The following IMMP2L variants were observed in gnomAD, a reference collection of about 807,000 sequenced individuals.
IMMP2L encodes the protein inner mitochondrial membrane peptidase subunit 2.
Under a neutral mutation model 19.3 loss-of-function variants are expected in IMMP2L, and 18 were observed. The observed-to-expected ratio is 0.93, with a 90% CI of 0.64 to 1.38. The LOEUF is 1.38. IMMP2L is among the 40% of genes most tolerant of loss of function. IMMP2L has a pLI of 0.00. For synonymous variants in IMMP2L, 76 were observed against 73.0 expected (o/e 1.04, Z -0.21); for missense variants, 233 against 218.2 (o/e 1.07, Z -0.43).
rs949889160 is a variant in IMMP2L at position 110,809,583 on chromosome 7, C to T, written c.408+77010G>A. On this transcript the variant is annotated intron_variant, in intron 5 of 5. Transcript: ENST00000405709. ...TGTTACATACTGTATTAATAACAAA[C>T]GGGCCAGACCAAAAGGTAATATTAC... 1.1e-4 allele frequency among the ~76,000 whole-genome samples: 16 copies of T among 151,862 alleles called. No homozygotes were observed. In the South Asian group the frequency reaches 1.5e-3, roughly 14 times the overall value.
At chr7:110,824,658 G>A (rs1270956307) in intron 5 of IMMP2L, among the ~76,000 whole-genome samples, 8 of 151,954 alleles carry the variant, frequency 5.3e-5, no homozygotes, top group South Asian at 2.1e-4. Flanking sequence ...ATGAACCACC[G>A]CTCCCAGCCT....
chr7:111,275,840 TAGA>T (rs1236108158), intron 3 of IMMP2L, among the ~76,000 whole-genome samples: 2 of 152,140 alleles, frequency 1.3e-5, no homozygotes, highest in African/African-American at 4.8e-5. Flanking sequence ...GGTCCTCAGC[TAGA>T]TTGTTATTGG....
At chr7:110,989,067 C>G (rs1032237848) in intron 3 of IMMP2L, among the ~76,000 whole-genome samples, 1 of 152,044 alleles carries the variant, frequency 6.6e-6, no homozygotes, top group Non-Finnish European at 1.5e-5. Flanking sequence ...GAAACCTCAT[C>G]TCTGCTAAAA....
intron 5 of IMMP2L, among the ~76,000 whole-genome samples, chr7:110,878,145 A>C (rs1193209166): frequency 6.6e-6 from 1 of 152,096 alleles, no homozygotes; most frequent in Non-Finnish European, 1.5e-5. Context: ...TCATGTTTCA[A>C]CTTGTGATTC....
At position 111,476,298 on chromosome 7, in the gene IMMP2L, AAAT is replaced by A. The variant is rs544484329; in HGVS notation, c.239+10937_239+10939del. 3.6e-3 allele frequency among the ~76,000 whole-genome samples: 543 copies of A among 152,322 alleles called. 1 individual carries two copies. The highest frequency in any genetic ancestry group is 4.4e-3 in the Non-Finnish European group (300 of 68,032). On this transcript the variant is annotated intron_variant, in intron 3 of 5. Transcript: ENST00000405709. ...TTTCAGATTTGTTTCACAGAAAAGAAAATAATACTTTTTAAATTAGTCAATTAT... is the reference window on the plus strand; with the variant it reads ...TTTCAGATTTGTTTCACAGAAAAGAAAATACTTTTTAAATTAGTCAATTAT...
chr7:110,718,983 C>A (rs1245841352), intron 5 of IMMP2L, among the ~76,000 whole-genome samples: 1 of 152,156 alleles, frequency 6.6e-6, no homozygotes, highest in Non-Finnish European at 1.5e-5. Context: ...ACATAATATT[C>A]TAGACATGCA....
chr7:111,052,697 A>C (rs2129573106), intron 3 of IMMP2L, among the ~76,000 whole-genome samples: 1 of 152,260 alleles, frequency 6.6e-6, no homozygotes, highest in East Asian at 1.9e-4. Context: ...AGTCACTCAT[A>C]TTTGGCTCAG....
intron 3 of IMMP2L, among the ~76,000 whole-genome samples, chr7:111,176,894 T>C (rs1270239953): frequency 6.6e-6 from 1 of 152,048 alleles, no homozygotes; most frequent in Non-Finnish European, 1.5e-5. Context: ...CTTAATCTAG[T>C]TTATTTTCTA....
intron 3 of IMMP2L, among the ~76,000 whole-genome samples, chr7:111,198,943 T>C (rs1809800010): frequency 6.6e-6 from 1 of 152,192 alleles, no homozygotes; most frequent in Non-Finnish European, 1.5e-5. Flanking sequence ...CAGAGATATA[T>C]ACAAACAGGT....
chr7:111,136,058 T>C (rs1266089010), intron 3 of IMMP2L, among the ~76,000 whole-genome samples: 1 of 151,994 alleles, frequency 6.6e-6, no homozygotes, highest in Non-Finnish European at 1.5e-5. Flanking sequence ...AGACGGAGTC[T>C]TGCTCTGTTG....
intron 3 of IMMP2L, among the ~76,000 whole-genome samples, chr7:111,013,072 C>T (rs1190702594): frequency 6.6e-6 from 1 of 151,960 alleles, no homozygotes; most frequent in Non-Finnish European, 1.5e-5. Context: ...CCCCACAATC[C>T]ACTGAGAGAA....
chr7:111,184,499 A>G (rs2129611698), intron 3 of IMMP2L, among the ~76,000 whole-genome samples: 1 of 152,254 alleles, frequency 6.6e-6, no homozygotes, highest in African/African-American at 2.4e-5. Flanking sequence ...CAAGCATTGA[A>G]AGGAACTTCC....
chr7:110,746,872 A>G (rs1449352656), intron 5 of IMMP2L, among the ~76,000 whole-genome samples: 1 of 152,198 alleles, frequency 6.6e-6, no homozygotes, highest in Non-Finnish European at 1.5e-5. Context: ...CAAATTCAAA[A>G]GCTAGCAGAA....
intron 5 of IMMP2L, among the ~76,000 whole-genome samples, chr7:110,796,007 G>A: frequency 6.6e-6 from 1 of 151,978 alleles, no homozygotes; most frequent in East Asian, 1.9e-4. Flanking sequence ...CATCAGGGCG[G>A]TTACTCTCAT....
intron 4 of IMMP2L, among the ~76,000 whole-genome samples, chr7:110,930,130 A>T (rs562820133): frequency 6.6e-6 from 1 of 152,260 alleles, no homozygotes; most frequent in South Asian, 2.1e-4. Flanking sequence ...ACATAGTTAC[A>T]TGGTGCTTTA....
intron 2 of IMMP2L, among the ~76,000 whole-genome samples, chr7:111,494,010 T>A (rs12668727): frequency 0.66 from 99,821 of 150,622 alleles, 33,957 homozygotes; most frequent in African/African-American, 0.81. Flanking sequence ...CTAAAAAAAA[T>A]ATAGAGCAAG....
chr7:111,211,221 T>C (rs905347412), intron 3 of IMMP2L, among the ~76,000 whole-genome samples: 15 of 152,130 alleles, frequency 9.9e-5, no homozygotes, highest in Non-Finnish European at 1.9e-4. Flanking sequence ...GCCTTTCAGA[T>C]AGGCCCCAAA....
intron 3 of IMMP2L, chr7:111,124,660 A>G (rs751632396): frequency 1.9e-6 from 3 of 1,613,994 alleles, no homozygotes; most frequent in Admixed American, 3.3e-5. Flanking sequence ...CACAACACTT[A>G]TGGCCTGTCT....
chr7:110,766,847 C>T (rs1009794468), intron 5 of IMMP2L, among the ~76,000 whole-genome samples: 2 of 151,964 alleles, frequency 1.3e-5, no homozygotes, highest in African/African-American at 4.8e-5. Context: ...GAATTCAGAG[C>T]AGTTGTAATC....
Sources: gnomAD v4.1 joint callset for allele counts (sites outside exome capture counted in the v4.1 genomes callset) on GRCh38, gnomAD v4.1.1 for gene constraint, MANE v1.5 for transcripts, NCBI Gene and HGNC (gene_info 2026-07-23, HGNC 2026-07-21) for gene names.